MYT1L: variants seen among roughly 807,000 people sequenced by gnomAD.
The protein encoded by MYT1L is myelin transcription factor 1-like protein.
In MYT1L, 12 loss-of-function variants were observed where a neutral mutation model predicts 126.7. The observed-to-expected ratio is 0.09, with a 90% CI of 0.06 to 0.15. The LOEUF is 0.15. Ranked by LOEUF, MYT1L falls within the 10% of genes least tolerant of loss-of-function variation. The pLI, the probability that MYT1L is intolerant of heterozygous loss-of-function variation, is 1.00. For missense variants in MYT1L, 979 were observed against 1,585.2 expected (o/e 0.62, Z 6.49); for synonymous variants, 541 against 604.2 (o/e 0.90, Z 1.53).
chr2:2,016,538 G>A (rs186776068), intron 4 of MYT1L, among the ~76,000 whole-genome samples: 1 of 152,340 alleles, frequency 6.6e-6, no homozygotes, highest in African/African-American at 2.4e-5. Context: ...CCAGGATTCT[G>A]TAGAAATAAC....
chr2:1,791,402 G>A lies in MYT1L; in HGVS notation c.*465C>T. The A allele has an allele frequency of 2.6e-6, 1 of 391,158 alleles. No individual in the cohort carries two copies. Among genetic ancestry groups the A allele is most frequent in the South Asian group, 2.0e-5 (1 of 50,078 alleles). 24.2% of individuals were successfully genotyped at this position (391,158 alleles called of 1,614,324 possible). A position where few individuals can be genotyped will look rare whatever the true frequency, so the allele number is the denominator to read the frequency against. The stretch of plus-strand genomic sequence containing the variant: ...AATTCCATAAAGTCCTCCAACATGA[G>A]GCAAAATGATAACGTCTAAAAAGCG... On this transcript the variant is annotated 3_prime_UTR_variant, in exon 25 of 25. Transcript: ENST00000647738. This position sits in a 1 kb window ranked among gnomAD's most constrained non-coding sequence, Gnocchi z 6.0.
intron 3 of MYT1L, among the ~76,000 whole-genome samples, chr2:2,102,603 AAT>A (rs993686653): frequency 2.2e-5 from 3 of 133,974 alleles, no homozygotes; most frequent in African/African-American, 8.9e-5. Flanking sequence ...GCCTCTTGGG[AAT>A]GTGTGTGTGT....
intron 2 of MYT1L, among the ~76,000 whole-genome samples, chr2:2,207,145 A>G (rs894420478): frequency 2.6e-5 from 4 of 152,250 alleles, no homozygotes; most frequent in African/African-American, 9.6e-5. Context: ...GGTTCACAAG[A>G]ACCCAACCTT....
At chr2:2,299,174 G>A (rs1376728823) in intron 1 of MYT1L, among the ~76,000 whole-genome samples, 1 of 152,122 alleles carries the variant, frequency 6.6e-6, no homozygotes, top group Non-Finnish European at 1.5e-5. Flanking sequence ...ATTAAACAGG[G>A]GCATGACTTG....
chr2:2,176,281 C>T lies in MYT1L; in HGVS notation c.-420-3293G>A, dbSNP rs531669574. ...AGTAGGAAATCAGGAAAAGAATGTA[C>T]AGCCAGTTTTAAAATCACCCTTCTC... On this transcript the variant is annotated intron_variant, in intron 2 of 24. Coordinates refer to ENST00000647738, the MANE Select transcript of MYT1L (RefSeq NM_001303052.2). Among the ~76,000 whole-genome samples, 27 of 152,272 alleles carry T rather than the reference C, an allele frequency of 1.8e-4. No individual in the cohort carries two copies. In the South Asian group the frequency reaches 5.4e-3, roughly 30 times the overall value.
At chr2:2,319,886 T>G (rs1030074702) in intron 1 of MYT1L, among the ~76,000 whole-genome samples, 1 of 152,060 alleles carries the variant, frequency 6.6e-6, no homozygotes, top group African/African-American at 2.4e-5. Flanking sequence ...ACTCAATATA[T>G]GCACATTGTA....
intron 1 of MYT1L, among the ~76,000 whole-genome samples, chr2:2,315,056 C>T (rs1040790218): frequency 6.6e-6 from 1 of 152,142 alleles, no homozygotes; most frequent in Non-Finnish European, 1.5e-5. Flanking sequence ...AAATGTAAAG[C>T]TTCTCTGTGC....
intron 4 of MYT1L, among the ~76,000 whole-genome samples, chr2:2,014,840 G>A (rs1203942881): frequency 6.6e-6 from 1 of 152,228 alleles, no homozygotes; most frequent in African/African-American, 2.4e-5. Context: ...CCCCTTAAGA[G>A]GGGTGCTATC....
At chr2:2,036,734 C>T (rs751153948) in intron 4 of MYT1L, among the ~76,000 whole-genome samples, 8 of 152,226 alleles carry the variant, frequency 5.3e-5, no homozygotes, top group Non-Finnish European at 8.8e-5. Context: ...CAGCTGCTTT[C>T]TAATTGGTTT....
At chr2:2,178,299 C>A (rs1327316427) in intron 2 of MYT1L, among the ~76,000 whole-genome samples, 1 of 152,146 alleles carries the variant, frequency 6.6e-6, no homozygotes, top group Non-Finnish European at 1.5e-5. Context: ...CCCAGACCCC[C>A]AAGCCATTTG....
intron 3 of MYT1L, among the ~76,000 whole-genome samples, chr2:2,145,054 C>T (rs1048495593): frequency 5.9e-5 from 9 of 152,160 alleles, no homozygotes; most frequent in South Asian, 2.1e-4. Context: ...TTTGTGTGTG[C>T]GTGAATGCAC....
At chr2:1,971,439 G>A (rs1021290416) in intron 8 of MYT1L, among the ~76,000 whole-genome samples, 1 of 152,128 alleles carries the variant, frequency 6.6e-6, no homozygotes, top group Admixed American at 6.5e-5. Context: ...ACCCAAAAGA[G>A]AAGGCTTTGG....
chr2:1,917,478 G>T lies in MYT1L; in HGVS notation c.1484-139C>A. On this transcript the variant is annotated intron_variant, in intron 10 of 24. Coordinates refer to ENST00000647738, the MANE Select transcript of MYT1L (RefSeq NM_001303052.2). The surrounding 1 kb of genome is among the most constrained non-coding windows in gnomAD (Gnocchi z 5.9). ...GGCTAGGCTGTGACATCAGACTTTT[G>T]CTTAGATAGTTCTTTGGTTTTGGGT... The T allele has an allele frequency of 1.0e-6, 1 of 983,292 alleles. No individual in the cohort carries two copies. The highest frequency in any genetic ancestry group is 1.5e-6 in the Non-Finnish European group (1 of 669,346). 60.9% of individuals were successfully genotyped at this position (983,292 alleles called of 1,614,324 possible). A position where few individuals can be genotyped will look rare whatever the true frequency, so the allele number is the denominator to read the frequency against.
intron 3 of MYT1L, among the ~76,000 whole-genome samples, chr2:2,101,383 A>G (rs780816057): frequency 1.2e-4 from 19 of 152,112 alleles, no homozygotes; most frequent in Admixed American, 2.6e-4. Flanking sequence ...ATTAAAATAT[A>G]CGCAAAATAA....
chr2:1,823,054 C>A (rs2038782151), intron 21 of MYT1L, among the ~76,000 whole-genome samples: 2 of 152,186 alleles, frequency 1.3e-5, no homozygotes, highest in African/African-American at 4.8e-5. Flanking sequence ...TATTGCACCT[C>A]GTTTTCTTTT....
chr2:2,292,095 G>C (rs1163924645), intron 1 of MYT1L, among the ~76,000 whole-genome samples: 1 of 152,216 alleles, frequency 6.6e-6, no homozygotes, highest in Non-Finnish European at 1.5e-5. Flanking sequence ...GTGTGGAGCG[G>C]GAAGGAAGGA....
Position 2,317,474 on chromosome 2 carries a change from T to A in MYT1L, c.-521+13493A>T, listed in dbSNP as rs1212159155. Among the ~76,000 whole-genome samples, 3 of 151,992 alleles carry A rather than the reference T, an allele frequency of 2.0e-5. No homozygotes were observed. The East Asian group carries it at 5.8e-4, about 29-fold the overall frequency. ...GAAAACTGCAATCATTTGTTTCAAG[T>A]CATCTCCGAATTCTCTAGAGAGCTA... On this transcript the variant is annotated intron_variant, in intron 1 of 24. Coordinates refer to ENST00000647738, the MANE Select transcript of MYT1L (RefSeq NM_001303052.2).
intron 2 of MYT1L, among the ~76,000 whole-genome samples, chr2:2,247,636 C>A (rs112271159): frequency 2.6e-5 from 4 of 152,058 alleles, no homozygotes; most frequent in African/African-American, 9.7e-5. Flanking sequence ...GGTCAAAAAA[C>A]GAGTCTTAAA....
At chr2:1,876,575 G>C (rs2046940719) in intron 18 of MYT1L, among the ~76,000 whole-genome samples, 1 of 152,120 alleles carries the variant, frequency 6.6e-6, no homozygotes, top group Non-Finnish European at 1.5e-5. Flanking sequence ...GGACCTCTGG[G>C]TGACTCTCCT....
Sources: gnomAD v4.1 joint callset for allele counts (sites outside exome capture counted in the v4.1 genomes callset) on GRCh38, gnomAD v4.1.1 for gene constraint, Gnocchi (gnomAD v3.1) non-coding constraint, MANE v1.5 for transcripts, NCBI Gene and HGNC (gene_info 2026-07-23, HGNC 2026-07-21) for gene names.